Variants in ABLIM1 observed in about 807,000 individuals in gnomAD.
ABLIM1 encodes the protein actin binding LIM protein 1, also known as actin-binding LIM protein 1.
A neutral mutation model predicts 107.0 loss-of-function variants in ABLIM1; 40 were observed. The ratio of observed to expected loss-of-function variants is 0.37; its 90% CI spans 0.29 to 0.49. ABLIM1 has a LOEUF of 0.49. Ranked by LOEUF, ABLIM1 falls within the 20% of genes least tolerant of loss-of-function variation. The pLI is 0.97. For synonymous variants in ABLIM1, 357 were observed against 357.3 expected (o/e 1.00, Z 0.01); for missense variants, 857 against 1,008.5 (o/e 0.85, Z 2.04).
intron 4 of ABLIM1, among the ~76,000 whole-genome samples, chr10:114,564,948 C>A (rs1301654604): frequency 6.6e-6 from 1 of 152,174 alleles, no homozygotes; most frequent in Non-Finnish European, 1.5e-5. Flanking sequence ...TCTAAGCACC[C>A]AATTTTTATT....
chr10:114,699,068 T>C (rs2081254442), intron 1 of ABLIM1, among the ~76,000 whole-genome samples: 1 of 140,878 alleles, frequency 7.1e-6, no homozygotes, highest in African/African-American at 2.7e-5. Flanking sequence ...GCCTGGACGA[T>C]CTTAGTAATG....
intron 4 of ABLIM1, among the ~76,000 whole-genome samples, chr10:114,566,414 C>T (rs2070749650): frequency 6.6e-6 from 1 of 152,162 alleles, no homozygotes; most frequent in South Asian, 2.1e-4. Flanking sequence ...CACAGACTTT[C>T]TCTCACATCC....
At chr10:114,712,223 G>A (rs1045116635) in intron 1 of ABLIM1, among the ~76,000 whole-genome samples, 1 of 151,624 alleles carries the variant, frequency 6.6e-6, no homozygotes, top group Non-Finnish European at 1.5e-5. Context: ...CATGGTGGTG[G>A]GCACCTGTAA....
At chr10:114,554,363 T>C (rs1378289059) in intron 4 of ABLIM1, among the ~76,000 whole-genome samples, 1 of 152,116 alleles carries the variant, frequency 6.6e-6, no homozygotes, top group Non-Finnish European at 1.5e-5. Flanking sequence ...GGACTGGACT[T>C]TGAAGAGCTG....
intron 1 of ABLIM1, among the ~76,000 whole-genome samples, chr10:114,730,932 G>T (rs2082060034): frequency 6.6e-6 from 1 of 152,014 alleles, no homozygotes; most frequent in African/African-American, 2.4e-5. Context: ...TTTGGTGCTG[G>T]TCTCTTTCAC....
the ABLIM1 span, among the ~76,000 whole-genome samples, chr10:114,784,779 C>T: frequency 6.0e-5 from 9 of 150,620 alleles, no homozygotes; most frequent in Non-Finnish European, 7.4e-5. Flanking sequence ...TTTACTGCAA[C>T]GTGCACTGAA....
intron 1 of ABLIM1, among the ~76,000 whole-genome samples, chr10:114,645,282 G>A (rs2078965569): frequency 6.6e-6 from 1 of 152,048 alleles, no homozygotes; most frequent in African/African-American, 2.4e-5. Flanking sequence ...TCACCCCTTG[G>A]CTGGGATATC....
At chr10:114,759,087 C>G (rs747567827) in intron 1 of ABLIM1, among the ~76,000 whole-genome samples, 1 of 152,134 alleles carries the variant, frequency 6.6e-6, no homozygotes, top group Non-Finnish European at 1.5e-5. Flanking sequence ...ATGCTCGACC[C>G]ACAACTCCTG....
At chr10:114,634,022 C>G (rs896945504) in intron 1 of ABLIM1, among the ~76,000 whole-genome samples, 4 of 151,684 alleles carry the variant, frequency 2.6e-5, no homozygotes, top group African/African-American at 9.7e-5. Context: ...TCCTCCTCAC[C>G]CCTTCCTTGC....
rs746733134 is a variant in ABLIM1 at position 114,441,731 on chromosome 10, C to T, written c.1989G>A (p.Gly663=). 8.1e-6 allele frequency: 13 copies of T among 1,613,520 alleles called. No individual in the cohort carries two copies. The highest frequency in any genetic ancestry group is 8.5e-6 in the Non-Finnish European group (10 of 1,179,620). The change falls in exon 18 of 23, where the codon GGG becomes GGA. Residue 663 remains glycine (G), a synonymous_variant. Transcript: ENST00000533213. ...TASLPGYGRN[G]LHRPVSTDFA... is the part of the protein sequence containing the mutation. ...CGGGGAGAAATCTTACCCGGTGAAG[C>T]CCATTTCTTCCATAGCCAGGGAGAG... is the stretch of plus-strand genomic sequence containing the variant.
chr10:114,671,694 T>A (rs966649997), intron 1 of ABLIM1, among the ~76,000 whole-genome samples: 12 of 152,270 alleles, frequency 7.9e-5, no homozygotes, highest in African/African-American at 2.9e-4. Flanking sequence ...TAAAGTTTTA[T>A]TGAAATGGTG....
chr10:114,784,864 C>A, the ABLIM1 span, among the ~76,000 whole-genome samples: 23 of 151,438 alleles, frequency 1.5e-4, no homozygotes, highest in African/African-American at 5.6e-4. Context: ...CTTTCCTGGA[C>A]CATAAAGGAA....
intron 1 of ABLIM1, among the ~76,000 whole-genome samples, chr10:114,757,435 T>C (rs988229312): frequency 1.3e-4 from 20 of 152,204 alleles, no homozygotes; most frequent in Admixed American, 3.3e-4. Flanking sequence ...ATGTCCAAAA[T>C]ACTTGATCTC....
intron 1 of ABLIM1, among the ~76,000 whole-genome samples, chr10:114,697,998 G>T (rs2081230792): frequency 7.8e-6 from 1 of 128,324 alleles, no homozygotes; most frequent in Non-Finnish European, 1.8e-5. Flanking sequence ...AAAAAGACAG[G>T]AGGAAACATT....
At chr10:114,630,887 C>T (rs773241119) in intron 1 of ABLIM1, among the ~76,000 whole-genome samples, 11 of 151,934 alleles carry the variant, frequency 7.2e-5, no homozygotes, top group Middle Eastern at 3.2e-3. Context: ...GTCCCTAAGA[C>T]ATAATAAAAG....
rs1227713134 is a variant in ABLIM1, at chr10:114,629,655, G to A, written c.245-27694C>T. Among the ~76,000 whole-genome samples the A allele has an allele frequency of 6.6e-6, 1 of 152,200 alleles. No individual in the cohort carries two copies. The highest frequency in any genetic ancestry group is 1.5e-5 in the Non-Finnish European group (1 of 68,048). ...ACTACATGGTGTGACGAGACACAGA[G>A]AATGAGTACTTTGTCCACAATCTGC... is the stretch of plus-strand genomic sequence containing the variant. On this transcript the variant is annotated intron_variant, in intron 1 of 22. Coordinates refer to ENST00000533213, the MANE Select transcript of ABLIM1 (RefSeq NM_002313.7). The surrounding 1 kb of genome is among the most constrained non-coding windows in gnomAD (Gnocchi z 4.0).
intron 1 of ABLIM1, among the ~76,000 whole-genome samples, chr10:114,672,876 A>G (rs552389050): frequency 6.6e-6 from 1 of 152,140 alleles, no homozygotes; most frequent in African/African-American, 2.4e-5. Context: ...TTCTTTCTGC[A>G]CTGAATTGTA....
intron 1 of ABLIM1, among the ~76,000 whole-genome samples, chr10:114,755,550 A>G (rs956910008): frequency 6.6e-5 from 10 of 152,214 alleles, no homozygotes; most frequent in African/African-American, 1.7e-4. Flanking sequence ...ATGAAAAATA[A>G]TAAGAAAAGC....
intron 3 of ABLIM1, among the ~76,000 whole-genome samples, chr10:114,574,954 G>A (rs1176833260): frequency 6.6e-6 from 1 of 152,182 alleles, no homozygotes; most frequent in African/African-American, 2.4e-5. Context: ...AGTGGGAGTG[G>A]CTGTGTTCCA....
Sources: gnomAD v4.1 joint callset for allele counts (sites outside exome capture counted in the v4.1 genomes callset) on GRCh38, gnomAD v4.1.1 for gene constraint, Gnocchi (gnomAD v3.1) non-coding constraint, MANE v1.5 for transcripts, NCBI Gene and HGNC (gene_info 2026-07-23, HGNC 2026-07-21) for gene names.